Variants in DDX24 observed in about 807,000 individuals in gnomAD.
DDX24 encodes DEAD-box helicase 24.
In DDX24, 24 loss-of-function variants were observed where a neutral mutation model predicts 68.9. The observed-to-expected ratio is 0.35, with a 90% confidence interval of 0.25 to 0.49. The LOEUF (loss-of-function observed/expected upper bound fraction) is 0.49. Ranked by LOEUF, DDX24 falls within the 20% of genes least tolerant of loss-of-function variation. The probability of loss-of-function intolerance (pLI) is 0.99; values close to 1 mark genes in which losing one functional copy is unlikely to be tolerated. For synonymous variants in DDX24, 395 were observed against 385.2 expected (o/e 1.03, Z -0.30); for missense variants, 989 against 1,039.0 (o/e 0.95, Z 0.66).
At chr14:94,056,954 A>T (rs1885503201) in intron 6 of DDX24, 1 of 152,192 alleles carries the variant, frequency 6.6e-6, no homozygotes, top group Non-Finnish European at 1.5e-5. Flanking sequence ...AGCCTAAAAG[A>T]TTTTTAAAAG....
At chr14:94,052,464 T>C (rs1885406110) in intron 8 of DDX24, among the ~76,000 whole-genome samples, 1 of 152,198 alleles carries the variant, frequency 6.6e-6, no homozygotes, top group South Asian at 2.1e-4. Flanking sequence ...AATGAGATAA[T>C]GGCATGGAAG....
rs527555342 is a variant in DDX24 at position 94,077,063 on chromosome 14, G to T, written c.718+1962C>A. Among the ~76,000 whole-genome samples, 7 of 152,236 alleles carry T rather than the reference G, an allele frequency of 4.6e-5. No homozygotes were observed. The South Asian group carries it at 1.5e-3, about 32-fold the overall frequency. On this transcript the variant is annotated intron_variant, in intron 2 of 8. Transcript: ENST00000621632. ...TAATAACATTTTTTCTCTAGCTTAT[G>T]TTACTGTAAGAATAAAGTATATAAT...
At position 94,053,124 on chromosome 14, in the gene DDX24, G is replaced by A. The variant is rs763998182; in HGVS notation, c.2182C>T (p.Arg728Ter). The A allele has an allele frequency of 6.2e-7, 1 of 1,614,050 alleles. No homozygotes were observed. Among genetic ancestry groups the A allele is most frequent in the Non-Finnish European group, 8.5e-7 (1 of 1,180,014 alleles). Residue 728 changes from arginine to a stop codon, truncating the protein, a stop_gained, in exon 8 of 9, where the codon CGA (arginine) becomes TGA (stop). Coordinates refer to ENST00000621632, the MANE Select transcript of DDX24 (RefSeq NM_020414.4). LOFTEE classifies it high-confidence loss of function. ...QTKYMDVVKE[R>*]IRLARQIEKS... is the part of the protein sequence containing the mutation. Reference sequence around the variant, plus strand: ...TCAATCTGTCGAGCTAAACGGATTCGCTCCTGGGGGGAAGTAACAGAAAAT... The same window carrying A: ...TCAATCTGTCGAGCTAAACGGATTCACTCCTGGGGGGAAGTAACAGAAAAT...
Position 94,062,259 on chromosome 14 carries a change from G to A in DDX24, c.1081C>T (p.Leu361Phe). The change falls in exon 3 of 9, where the codon CTT becomes TTT. Residue 361 changes from leucine (L) to phenylalanine (F), a missense_variant. Coordinates refer to ENST00000621632, the MANE Select transcript of DDX24 (RefSeq NM_020414.4). ...AGATTTCCAGTCTGCTCTTTATCAA[G>A]ATTTTCCTCCTCATTCTCATTCTGT... ...PKQNENEEENLDKEQTGNLKQ... is the reference protein window; with the variant it reads ...PKQNENEEENFDKEQTGNLKQ... 3 of 1,614,112 alleles carry A rather than the reference G, an allele frequency of 1.9e-6. No individual in the cohort carries two copies. The highest frequency in any genetic ancestry group is 2.5e-6 in the Non-Finnish European group (3 of 1,180,014).
At chr14:94,073,255 T>C (rs952381875) in intron 2 of DDX24, among the ~76,000 whole-genome samples, 5 of 152,100 alleles carry the variant, frequency 3.3e-5, no homozygotes, top group African/African-American at 1.2e-4. Flanking sequence ...CTGGCTATTT[T>C]TTTGTATTTT....
At chr14:94,071,564 C>G (rs915833652) in intron 2 of DDX24, among the ~76,000 whole-genome samples, 6 of 152,120 alleles carry the variant, frequency 3.9e-5, no homozygotes, top group African/African-American at 1.4e-4. Flanking sequence ...GCAGGAGAAT[C>G]ACTTGAACCT....
rs979816890 is a variant in DDX24 at position 94,048,311 on chromosome 14, T to G, written c.*2880A>C. On this transcript the variant is annotated 3_prime_UTR_variant, in exon 9 of 9. Coordinates refer to ENST00000621632, the MANE Select transcript of DDX24 (RefSeq NM_020414.4). The stretch of plus-strand genomic sequence containing the variant: ...CTTGTTTTTACAACTGCATGTTTAT[T>G]ATGATACTTTCTCTCCAAAGGAAAC... 6.6e-6 allele frequency: 1 copy of G among 152,246 alleles called. No individual in the cohort carries two copies. The highest frequency in any genetic ancestry group is 1.5e-5 in the Non-Finnish European group (1 of 68,050). The allele number at this position is 152,246 out of a possible 1,614,324, so 9.4% of individuals were successfully genotyped here.
Position 94,060,498 on chromosome 14 carries a change from C to A in DDX24, c.1513G>T (p.Val505Phe). Reference sequence around the variant, plus strand: ...ACCAGGGTGAGTGTGGCAGAAAAAACAAGCGTTTGTCTCTTTGGGTTGTAT... The same window carrying A: ...ACCAGGGTGAGTGTGGCAGAAAAAAAAAGCGTTTGTCTCTTTGGGTTGTAT... ...SQYNPKRQTL[V>F]FSATLTLVHQ... Residue 505 changes from valine to phenylalanine, a missense_variant, in exon 5 of 9, where the codon GTT becomes TTT. Around this residue, in one of 3 missense-constraint regions of DDX24, gnomAD observed 691 missense variants for 760.0 expected, o/e 0.91. Coordinates refer to ENST00000621632, the MANE Select transcript of DDX24 (RefSeq NM_020414.4). 1 of 1,614,150 alleles carries A rather than the reference C, an allele frequency of 6.2e-7. No individual in the cohort carries two copies. Among genetic ancestry groups the A allele is most frequent in the Non-Finnish European group, 8.5e-7 (1 of 1,180,020 alleles).
At chr14:94,057,772 A>G in intron 6 of DDX24, 50 bp downstream of exon 6, 1 of 1,574,290 alleles carries the variant, frequency 6.4e-7, no homozygotes, top group Non-Finnish European at 8.7e-7. Context: ...TGCCTTAAAA[A>G]TTCCCCATTC....
At chr14:94,053,238 C>A in intron 7 of DDX24, 111 bp from the exon 8 acceptor site, 8 of 1,455,440 alleles carry the variant, frequency 5.5e-6, no homozygotes, top group Non-Finnish European at 7.5e-6. Flanking sequence ...ACTCTGCTGC[C>A]CAGGCTGGAG....
At chr14:94,074,376 G>A (rs889250948) in intron 2 of DDX24, among the ~76,000 whole-genome samples, 2 of 152,118 alleles carry the variant, frequency 1.3e-5, no homozygotes, top group Non-Finnish European at 2.9e-5. Context: ...AGTATATTGT[G>A]ACCAAGTTCA....
chr14:94,076,996 T>C (rs1404903793), intron 2 of DDX24, among the ~76,000 whole-genome samples: 1 of 152,270 alleles, frequency 6.6e-6, no homozygotes, highest in East Asian at 1.9e-4. Flanking sequence ...CCACTTCCAT[T>C]TAATGAATAG....
chr14:94,060,929 T>G lies in DDX24; in HGVS notation c.1381A>C (p.Asn461His), dbSNP rs1885584604. ...ATCTATTACCTGAGCTGCCGAAGGT[T>G]CCTCAAATGATAATGCTTTTCTTTA... ...LIKEKHYHLR[N>H]LRQLRCLVVD... Residue 461 changes from asparagine to histidine, a missense_variant, in exon 4 of 9, where the codon AAC becomes CAC. This residue lies in a region of DDX24 where 691 missense variants were observed against 760.0 expected (regional missense o/e 0.91). Transcript: ENST00000621632. 1 of 1,614,056 alleles carries G rather than the reference T, an allele frequency of 6.2e-7. No homozygotes were observed. Among genetic ancestry groups the G allele is most frequent in the South Asian group, 1.1e-5 (1 of 91,078 alleles).
chr14:94,066,641 T>C (rs2144307), intron 2 of DDX24, among the ~76,000 whole-genome samples: 1,710 of 152,270 alleles, frequency 0.011, 32 homozygotes, highest in African/African-American at 0.035. Context: ...GAGAGCCCCA[T>C]AGACGGTTAA....
Position 94,065,808 on chromosome 14 carries a change from C to T in DDX24, c.719-3187G>A, listed in dbSNP as rs187106932. 7.3e-4 allele frequency among the ~76,000 whole-genome samples: 110 copies of T among 150,678 alleles called. 2 individuals carry two copies. The highest frequency in any genetic ancestry group is 2.7e-3 in the African/African-American group (107 of 40,166). ...AGCTGAGTCAAGTTAGAGAGCTGAG[C>T]GAAATACAGGGGTAGAAGAAGCAGC... On this transcript the variant is annotated intron_variant, in intron 2 of 8. Transcript: ENST00000621632.
chr14:94,062,450 G>A lies in DDX24; in HGVS notation c.890C>T (p.Ala297Val). The change falls in exon 3 of 9, where the codon GCA becomes GTA. Residue 297 changes from alanine (A) to valine (V), a missense_variant. Ala to Val is a moderately conservative substitution (Grantham distance 64). Coordinates refer to ENST00000621632, the MANE Select transcript of DDX24 (RefSeq NM_020414.4). ...CTCAATTACAGTATCGTCAGGCAATGCATCAGACTCAGCTTCAGCCTTGCC... is the reference window on the plus strand; with the variant it reads ...CTCAATTACAGTATCGTCAGGCAATACATCAGACTCAGCTTCAGCCTTGCC... ...SPGKAEAESD[A>V]LPDDTVIESE... The A allele has an allele frequency of 1.9e-6, 3 of 1,614,162 alleles. No individual in the cohort carries two copies. Among genetic ancestry groups the A allele is most frequent in the Non-Finnish European group, 2.5e-6 (3 of 1,180,016 alleles).
intron 2 of DDX24, among the ~76,000 whole-genome samples, chr14:94,071,945 CA>C (rs995287068): frequency 2.7e-5 from 4 of 146,246 alleles, no homozygotes; most frequent in African/African-American, 5.0e-5. Context: ...AACTCCATCT[CA>C]AAAAAAAAAC....
Position 94,067,576 on chromosome 14 carries a change from T to C in DDX24, c.719-4955A>G, listed in dbSNP as rs796886411. Among the ~76,000 whole-genome samples, 9 of 152,294 alleles carry C rather than the reference T, an allele frequency of 5.9e-5. 1 individual carries two copies. The highest frequency in any genetic ancestry group is 2.2e-4 in the African/African-American group (9 of 41,568). ...AGACAAAGGAAAGAATTTTAAGAGCTGTGAGACAGAAGCACCAGATAACCT... is the reference window on the plus strand; with the variant it reads ...AGACAAAGGAAAGAATTTTAAGAGCCGTGAGACAGAAGCACCAGATAACCT... On this transcript the variant is annotated intron_variant, in intron 2 of 8. Coordinates refer to ENST00000621632, the MANE Select transcript of DDX24 (RefSeq NM_020414.4).
intron 2 of DDX24, among the ~76,000 whole-genome samples, chr14:94,065,738 G>A (rs1487797725): frequency 1.3e-5 from 2 of 152,200 alleles, no homozygotes; most frequent in Non-Finnish European, 2.9e-5. Context: ...CCCCACTAGA[G>A]AAGGTGAAGG....
Sources: gnomAD v4.1 joint callset for allele counts (sites outside exome capture counted in the v4.1 genomes callset) on GRCh38, gnomAD v4.1.1 for gene constraint, gnomAD v4.1.1 regional missense constraint, MANE v1.5 for transcripts, NCBI Gene and HGNC (gene_info 2026-07-23, HGNC 2026-07-21) for gene names.